NCAM2: variants seen among roughly 807,000 people sequenced by gnomAD.
NCAM2 encodes the protein N-CAM-2.
Under a neutral mutation model 98.1 loss-of-function variants are expected in NCAM2, and 30 were observed. The ratio of observed to expected loss-of-function variants is 0.31; its 90% confidence interval spans 0.23 to 0.41. The LOEUF is 0.41. Ranked by LOEUF, NCAM2 falls within the 10% of genes least tolerant of loss-of-function variation. The pLI is 1.00. For missense variants in NCAM2, 867 were observed against 1,005.8 expected, an observed-to-expected ratio of 0.86 and a Z score of 1.87; for synonymous variants, 368 against 342.4, an observed-to-expected ratio of 1.07 and a Z score of -0.83.
In NCAM2 at chr21:21,394,630, A is replaced by G. The variant is rs1186373480; in HGVS notation, c.1196-15644A>G. On this transcript the variant is annotated intron_variant, in intron 9 of 17. Transcript: ENST00000400546. ...CAGCCTCCAGAGTAGCTGGGACTAC[A>G]GGTGCCCGCCACCACACCCGCTAAT... Among the ~76,000 whole-genome samples, 3 of 151,542 alleles carry G rather than the reference A, an allele frequency of 2.0e-5. No homozygotes were observed. The East Asian group carries it at 5.8e-4, about 29-fold the overall frequency.
At chr21:21,356,970 CAA>C (rs199746781) in intron 8 of NCAM2, among the ~76,000 whole-genome samples, 3,189 of 146,736 alleles carry the variant, frequency 0.022, 95 homozygotes, top group African/African-American at 0.077. Flanking sequence ...GCCTGGGAAA[CAA>C]GAGCGAAACT....
At chr21:21,285,751 G>A (rs2073074756) in intron 3 of NCAM2, among the ~76,000 whole-genome samples, 1 of 151,868 alleles carries the variant, frequency 6.6e-6, no homozygotes, top group African/African-American at 2.4e-5. Context: ...GAGACAGACA[G>A]ACAATAAATA....
intron 1 of NCAM2, among the ~76,000 whole-genome samples, chr21:21,129,366 A>C (rs185446482): frequency 8.5e-5 from 13 of 152,320 alleles, no homozygotes; most frequent in African/African-American, 3.1e-4. Flanking sequence ...TAATTTAATT[A>C]TAGCAAATAA....
At chr21:21,107,922 AC>A (rs2066381348) in intron 1 of NCAM2, among the ~76,000 whole-genome samples, 1 of 152,072 alleles carries the variant, frequency 6.6e-6, no homozygotes, top group African/African-American at 2.4e-5. Context: ...TTTATAAAGT[AC>A]CAGTTGGATA....
chr21:21,540,937 T>C lies in NCAM2; in HGVS notation c.*2980T>C, dbSNP rs1421166993. 1 of 151,898 alleles carries C rather than the reference T, an allele frequency of 6.6e-6. No individual in the cohort carries two copies. The highest frequency in any genetic ancestry group is 1.5e-5 in the Non-Finnish European group (1 of 67,846). 9.4% of individuals were successfully genotyped at this position (151,898 alleles called of 1,614,324 possible). ...ATTGTATTTTTAAAGATTTATTTATTATTTTTGTGGGCTAAGACATTGCCA... is the reference window on the plus strand; with the variant it reads ...ATTGTATTTTTAAAGATTTATTTATCATTTTTGTGGGCTAAGACATTGCCA... On this transcript the variant is annotated 3_prime_UTR_variant, in exon 18 of 18. Coordinates refer to ENST00000400546, the MANE Select transcript of NCAM2 (RefSeq NM_004540.5).
At chr21:21,456,456 A>C (rs1375110013) in intron 12 of NCAM2, among the ~76,000 whole-genome samples, 3 of 152,196 alleles carry the variant, frequency 2.0e-5, no homozygotes, top group Non-Finnish European at 1.5e-5. Context: ...ATTCATGAGG[A>C]TAATCAGCAT....
At chr21:21,217,438 G>C (rs1033685595) in intron 1 of NCAM2, among the ~76,000 whole-genome samples, 4 of 152,112 alleles carry the variant, frequency 2.6e-5, no homozygotes, top group African/African-American at 9.6e-5. Context: ...TTATTTCTCA[G>C]ATTTACTTAA....
At chr21:21,227,055 G>A (rs1420384909) in intron 1 of NCAM2, among the ~76,000 whole-genome samples, 3 of 151,912 alleles carry the variant, frequency 2.0e-5, no homozygotes, top group Non-Finnish European at 4.4e-5. Context: ...AATTAATGGA[G>A]AAAGTTAGTT....
At chr21:21,334,864 C>T (rs929917976) in intron 6 of NCAM2, among the ~76,000 whole-genome samples, 1 of 151,830 alleles carries the variant, frequency 6.6e-6, no homozygotes, top group Non-Finnish European at 1.5e-5. Flanking sequence ...GAAAAAAAAC[C>T]TTAAAAATAT....
chr21:21,003,004 G>A (rs2064047771), intron 1 of NCAM2, among the ~76,000 whole-genome samples: 1 of 152,042 alleles, frequency 6.6e-6, no homozygotes, highest in East Asian at 1.9e-4. Flanking sequence ...GCACTTTATA[G>A]AGCCAAGCTA....
At chr21:21,116,817 T>G (rs1405455392) in intron 1 of NCAM2, among the ~76,000 whole-genome samples, 1 of 150,908 alleles carries the variant, frequency 6.6e-6, no homozygotes, top group Non-Finnish European at 1.5e-5. Context: ...ATCGTGCCAC[T>G]GCACTCCAGC....
intron 8 of NCAM2, among the ~76,000 whole-genome samples, chr21:21,372,748 G>A (rs1367602646): frequency 6.6e-6 from 1 of 151,746 alleles, no homozygotes; most frequent in East Asian, 1.9e-4. Flanking sequence ...TGGGCACAGT[G>A]TCTGTTTTTC....
chr21:21,279,432 C>T (rs868209098), intron 1 of NCAM2, among the ~76,000 whole-genome samples: 1 of 152,098 alleles, frequency 6.6e-6, no homozygotes, highest in Non-Finnish European at 1.5e-5. Context: ...GATCTCGGCT[C>T]ACTGCAACCT....
chr21:21,077,297 A>T (rs1338419654), intron 1 of NCAM2, among the ~76,000 whole-genome samples: 2 of 152,190 alleles, frequency 1.3e-5, no homozygotes, highest in Non-Finnish European at 2.9e-5. Flanking sequence ...ACATTAAATG[A>T]TTTAAGCCTA....
chr21:21,449,346 A>G (rs927660582), intron 12 of NCAM2, among the ~76,000 whole-genome samples: 2 of 151,852 alleles, frequency 1.3e-5, no homozygotes, highest in African/African-American at 4.8e-5. Context: ...GAGGAGAATG[A>G]AAGTATTCAT....
chr21:21,126,138 T>G (rs2039256), intron 1 of NCAM2, among the ~76,000 whole-genome samples: 128,830 of 150,872 alleles, frequency 0.85, 55,278 homozygotes, highest in East Asian at 0.92. Context: ...GAAACATAAA[T>G]AAATACTTGC....
chr21:21,371,869 A>G (rs1391425756), intron 8 of NCAM2, among the ~76,000 whole-genome samples: 2 of 137,300 alleles, frequency 1.5e-5, no homozygotes, highest in African/African-American at 3.2e-5. Flanking sequence ...GCGCGTGCAC[A>G]CACACACACA....
At chr21:21,011,880 A>G (rs950914768) in intron 1 of NCAM2, among the ~76,000 whole-genome samples, 4 of 152,084 alleles carry the variant, frequency 2.6e-5, no homozygotes, top group Admixed American at 1.3e-4. Context: ...GGCATACAAA[A>G]AAATGCTCAA....
At chr21:21,024,385 G>C (rs959410764) in intron 1 of NCAM2, among the ~76,000 whole-genome samples, 26 of 151,800 alleles carry the variant, frequency 1.7e-4, no homozygotes, top group African/African-American at 2.2e-4. Context: ...AGAAATCCTG[G>C]GGGGGGAAAA....
Sources: gnomAD v4.1 joint callset for allele counts (sites outside exome capture counted in the v4.1 genomes callset) on GRCh38, gnomAD v4.1.1 for gene constraint, MANE v1.5 for transcripts, NCBI Gene and HGNC (gene_info 2026-07-23, HGNC 2026-07-21) for gene names.